Variants in PHIP observed in about 807,000 individuals in gnomAD.
PHIP encodes the protein PHIP subunit of CUL4-Ring ligase complex.
A neutral mutation model predicts 236.8 loss-of-function variants in PHIP; 54 were observed. The ratio of observed to expected loss-of-function variants is 0.23; its 90% CI spans 0.18 to 0.29. The LOEUF is 0.29. Among genes scored for constraint, PHIP ranks in the 10% least tolerant of loss-of-function variants. The pLI, the probability that PHIP is intolerant of heterozygous loss-of-function variation, is 1.00. For synonymous variants in PHIP, 756 were observed against 718.9 expected, an observed-to-expected ratio of 1.05 and a Z score of -0.83; for missense variants, 1,370 against 2,190.8, an observed-to-expected ratio of 0.63 and a Z score of 7.48.
Position 78,946,692 on chromosome 6 carries a change from T to TG in PHIP, c.4370+18_4370+19insC. ...GAAAGTTATAGATCAGCTAGTGGTA[T>TG]TTAAAAGAAATTAAATACCTTGATG... On this transcript the variant is annotated intron_variant, in intron 37 of 39. Transcript: ENST00000275034. 2 of 1,533,638 alleles carry TG rather than the reference T, an allele frequency of 1.3e-6. No homozygotes were observed. Among genetic ancestry groups the TG allele is most frequent in the Non-Finnish European group, 1.7e-6 (2 of 1,150,276 alleles).
At chr6:78,958,448 A>C in intron 32 of PHIP, 27 bp downstream of exon 32, 1 of 1,292,386 alleles carries the variant, frequency 7.7e-7, no homozygotes, top group East Asian at 2.3e-5. Flanking sequence ...TAAAACTATC[A>C]TAATTACATA....
At chr6:79,066,082 A>G (rs1279290432) in intron 4 of PHIP, among the ~76,000 whole-genome samples, 1 of 152,022 alleles carries the variant, frequency 6.6e-6, no homozygotes, top group African/African-American at 2.4e-5. Context: ...TATTGTATAT[A>G]TGTGGTTTCT....
At chr6:79,032,619 C>T (rs1228458246) in intron 7 of PHIP, among the ~76,000 whole-genome samples, 1 of 152,114 alleles carries the variant, frequency 6.6e-6, no homozygotes, top group Admixed American at 6.5e-5. Flanking sequence ...GGCTCCACTA[C>T]TAATTTTAGT....
intron 20 of PHIP, 107 bp from the exon 21 acceptor site, chr6:78,988,456 C>T (rs924450898): frequency 3.1e-5 from 23 of 746,172 alleles, no homozygotes; most frequent in Middle Eastern, 3.9e-4. Flanking sequence ...GGCATGGTGG[C>T]GCATGCCTAT....
At chr6:78,963,291 CTT>C (rs760638828) in intron 29 of PHIP, 39 bp from the exon 30 acceptor site, 38 of 1,520,110 alleles carry the variant, frequency 2.5e-5, no homozygotes, top group Non-Finnish European at 3.4e-5. Flanking sequence ...TACATGGTAA[CTT>C]ATTAGTATTC....
chr6:79,077,770 G>C, intron 2 of PHIP, 41 bp from the exon 3 acceptor site: 1 of 979,350 alleles, frequency 1.0e-6, no homozygotes, highest in Non-Finnish European at 1.2e-6. Flanking sequence ...CCGCGCCCCG[G>C]GCCGCGGCCC....
intron 31 of PHIP, among the ~76,000 whole-genome samples, chr6:78,961,056 CAT>C (rs879330889): frequency 6.6e-6 from 1 of 151,946 alleles, no homozygotes; most frequent in Non-Finnish European, 1.5e-5. Flanking sequence ...AAACTATAAA[CAT>C]ATTTTTTGAC....
intron 28 of PHIP, 90 bp from the exon 29 acceptor site, chr6:78,965,854 G>C: frequency 8.4e-7 from 1 of 1,189,456 alleles, no homozygotes; most frequent in Non-Finnish European, 1.2e-6. Flanking sequence ...TTGCTTCTGT[G>C]TTTAAAAGAA....
At chr6:78,982,207 AC>A (rs1288231420) in intron 23 of PHIP, among the ~76,000 whole-genome samples, 1 of 151,996 alleles carries the variant, frequency 6.6e-6, no homozygotes, top group African/African-American at 2.4e-5. Flanking sequence ...CAAAAATTAA[AC>A]AGGTCTCATT....
At chr6:79,022,293 A>T (rs1771158194) in intron 9 of PHIP, among the ~76,000 whole-genome samples, 1 of 152,226 alleles carries the variant, frequency 6.6e-6, no homozygotes, top group Non-Finnish European at 1.5e-5. Flanking sequence ...TAAAGTGCTT[A>T]GTACAATGTC....
intron 27 of PHIP, among the ~76,000 whole-genome samples, chr6:78,969,017 G>A (rs1582129687): frequency 6.6e-6 from 1 of 152,088 alleles, no homozygotes; most frequent in African/African-American, 2.4e-5. Flanking sequence ...TTCCTGAGGG[G>A]ATTCCATTCT....
Position 78,940,973 on chromosome 6 carries a change from A to C in PHIP, c.5186T>G (p.Leu1729Arg). Residue 1729 changes from leucine to arginine, a missense_variant, in exon 40 of 40, where the codon CTC (leucine) becomes CGC (arginine). Coordinates refer to ENST00000275034, the MANE Select transcript of PHIP (RefSeq NM_017934.7). The stretch of plus-strand genomic sequence containing the variant: ...CACTTTGACACTTGCAGGGACTAGG[A>C]GATCTGCATCTAATTTTTGTGTCTT... ...KMKTQKLDAD[L>R]LVPASVKVLR... 1.2e-6 allele frequency: 2 copies of C among 1,613,820 alleles called. No individual in the cohort carries two copies. Among genetic ancestry groups the C allele is most frequent in the Non-Finnish European group, 1.7e-6 (2 of 1,179,736 alleles).
rs1000870181 is a variant in PHIP, at chr6:79,014,228, T to C, written c.1524+854A>G. Among the ~76,000 whole-genome samples, 6 of 151,778 alleles carry C rather than the reference T, an allele frequency of 4.0e-5. No individual in the cohort carries two copies. In the East Asian group the frequency reaches 7.7e-4, roughly 19 times the overall value. On this transcript the variant is annotated intron_variant, in intron 15 of 39. Coordinates refer to ENST00000275034, the MANE Select transcript of PHIP (RefSeq NM_017934.7). ...CAAGCATAGCATCACATTCGTGTAATTTTTTCACAAACCATGTTTCACAAC... is the reference window on the plus strand; with the variant it reads ...CAAGCATAGCATCACATTCGTGTAACTTTTTCACAAACCATGTTTCACAAC...
chr6:79,016,699 G>T, intron 12 of PHIP, 57 bp from the exon 13 acceptor site: 1 of 1,027,432 alleles, frequency 9.7e-7, no homozygotes, highest in Non-Finnish European at 1.5e-6. Context: ...TTACCAAAAT[G>T]CACTTTTCCC....
chr6:78,962,670 T>G (rs1766860717), intron 30 of PHIP, among the ~76,000 whole-genome samples: 1 of 152,142 alleles, frequency 6.6e-6, no homozygotes. Flanking sequence ...GCAATTAATA[T>G]ACCCTCTCCT....
intron 6 of PHIP, among the ~76,000 whole-genome samples, chr6:79,049,587 C>T (rs67241845): frequency 0.1 from 15,887 of 152,094 alleles, 855 homozygotes; most frequent in Middle Eastern, 0.19. Flanking sequence ...TCTACAAATA[C>T]GATTAATAAC....
chr6:78,958,239 A>G (rs550347816), intron 32 of PHIP: 1 of 347,690 alleles, frequency 2.9e-6, no homozygotes, highest in African/African-American at 2.1e-5. Context: ...TTAAAACACA[A>G]TGGTAATACG....
intron 4 of PHIP, among the ~76,000 whole-genome samples, chr6:79,072,466 T>C (rs1053101837): frequency 1.4e-5 from 2 of 145,658 alleles, no homozygotes; most frequent in South Asian, 2.3e-4. Context: ...AAAGTAATTA[T>C]AGTATCTTCC....
At chr6:79,010,705 C>T (rs756986005) in intron 15 of PHIP, among the ~76,000 whole-genome samples, 2 of 151,524 alleles carry the variant, frequency 1.3e-5, no homozygotes, top group South Asian at 2.1e-4. Context: ...AAAGCAAAAC[C>T]GCCAGAAACA....
Sources: gnomAD v4.1 joint callset for allele counts (sites outside exome capture counted in the v4.1 genomes callset) on GRCh38, gnomAD v4.1.1 for gene constraint, MANE v1.5 for transcripts, NCBI Gene and HGNC (gene_info 2026-07-23, HGNC 2026-07-21) for gene names.